Variants in LTBP1 observed in about 807,000 individuals in gnomAD.
LTBP1 encodes latent transforming growth factor beta binding protein 1.
LTBP1 carries 129 observed loss-of-function variants against 207.6 expected under a neutral mutation model. The ratio of observed to expected loss-of-function variants is 0.62; its 90% confidence interval spans 0.54 to 0.72. LTBP1 has a LOEUF of 0.72. Among genes scored for constraint, LTBP1 ranks in the 30% least tolerant of loss-of-function variants. The pLI is 0.00. For synonymous variants in LTBP1, 963 were observed against 833.7 expected (o/e 1.16, Z -2.67); for missense variants, 2,281 against 2,217.2 (o/e 1.03, Z -0.58).
intron 3 of LTBP1, among the ~76,000 whole-genome samples, chr2:33,050,878 C>T (rs962519768): frequency 5.3e-5 from 8 of 151,976 alleles, no homozygotes; most frequent in African/African-American, 1.2e-4. Context: ...GGATTACAGG[C>T]GGGCATCACC....
intron 3 of LTBP1, among the ~76,000 whole-genome samples, chr2:33,087,974 A>G (rs528598921): frequency 2.0e-5 from 3 of 152,332 alleles, no homozygotes; most frequent in South Asian, 2.1e-4. Context: ...TCTATTACGT[A>G]TAGTTAAAAT....
intron 5 of LTBP1, among the ~76,000 whole-genome samples, chr2:33,172,127 A>G (rs1197201085): frequency 6.6e-6 from 1 of 152,326 alleles, no homozygotes; most frequent in African/African-American, 2.4e-5. Context: ...AGCTAACATC[A>G]AAATGACAGG....
At chr2:33,187,852 C>T (rs2087372570) in intron 6 of LTBP1, among the ~76,000 whole-genome samples, 2 of 152,106 alleles carry the variant, frequency 1.3e-5, no homozygotes, top group Non-Finnish European at 2.9e-5. Flanking sequence ...TGGGTTTTCT[C>T]TTTTAATAGA....
chr2:33,309,892 A>C (rs928855849), intron 23 of LTBP1, among the ~76,000 whole-genome samples: 2 of 150,822 alleles, frequency 1.3e-5, no homozygotes, highest in Non-Finnish European at 2.9e-5. Flanking sequence ...ATTTTGTCTC[A>C]TAGGTGGTAT....
chr2:32,966,478 A>T lies in LTBP1; in HGVS notation c.565+17533A>T, dbSNP rs563101920. ...CCTTATTCATGATCTTAGCAGGAAA[A>T]CTAGTTGCTCACCATTAAGTATGGT... is the stretch of plus-strand genomic sequence containing the variant. On this transcript the variant is annotated intron_variant, in intron 2 of 33. Coordinates refer to ENST00000404816, the MANE Select transcript of LTBP1 (RefSeq NM_206943.4). Among the ~76,000 whole-genome samples the T allele has an allele frequency of 9.2e-5, 14 of 152,266 alleles. No homozygotes were observed. The East Asian group carries it at 2.7e-3, about 29-fold the overall frequency.
intron 26 of LTBP1, among the ~76,000 whole-genome samples, chr2:33,358,309 T>C (rs1056277260): frequency 2.0e-5 from 3 of 152,078 alleles, no homozygotes; most frequent in African/African-American, 7.2e-5. Context: ...AAGGCAAAGA[T>C]TGTTTTATTT....
chr2:33,232,800 T>C (rs2091861557), intron 9 of LTBP1, among the ~76,000 whole-genome samples: 1 of 152,158 alleles, frequency 6.6e-6, no homozygotes, highest in Non-Finnish European at 1.5e-5. Flanking sequence ...GTCACTAAAG[T>C]ATATACTTTA....
intron 2 of LTBP1, among the ~76,000 whole-genome samples, chr2:33,000,797 A>G (rs1685973127): frequency 7.4e-6 from 1 of 134,330 alleles, no homozygotes; most frequent in Non-Finnish European, 1.6e-5. Context: ...GGATTCCCCC[A>G]AAGTATATTG....
At position 33,371,351 on chromosome 2, in the gene LTBP1, C is replaced by G. The variant is rs993211026; in HGVS notation, c.4711+5848C>G. Reference sequence around the variant, plus strand: ...TTCCCCTTTCACAGTACCCGCTGATCCTGCCCACTCTTAAAATGATTTGGG... The same window carrying G: ...TTCCCCTTTCACAGTACCCGCTGATGCTGCCCACTCTTAAAATGATTTGGG... On this transcript the variant is annotated intron_variant, in intron 31 of 33. Coordinates refer to ENST00000404816, the MANE Select transcript of LTBP1 (RefSeq NM_206943.4). Among the ~76,000 whole-genome samples the G allele has an allele frequency of 5.4e-4, 82 of 152,192 alleles. 2 individuals are homozygous for G. The highest frequency in any genetic ancestry group is 5.2e-3 in the Admixed American group (80 of 15,282).
At chr2:33,203,724 A>G (rs894051340) in intron 7 of LTBP1, among the ~76,000 whole-genome samples, 1 of 152,168 alleles carries the variant, frequency 6.6e-6, no homozygotes, top group Admixed American at 6.5e-5. Flanking sequence ...AAAATAATAT[A>G]CCTATTAATA....
intron 7 of LTBP1, among the ~76,000 whole-genome samples, chr2:33,190,353 T>C (rs1051983440): frequency 8.5e-5 from 13 of 152,186 alleles, no homozygotes; most frequent in African/African-American, 3.1e-4. Flanking sequence ...TGTGTGTGTA[T>C]ATGCGCATGA....
intron 7 of LTBP1, among the ~76,000 whole-genome samples, chr2:33,202,331 G>T (rs2089400690): frequency 1.3e-5 from 2 of 152,158 alleles, no homozygotes; most frequent in Non-Finnish European, 2.9e-5. Flanking sequence ...CCACATGGGA[G>T]AAAAAGATGG....
chr2:33,079,137 A>G (rs2078257226), intron 3 of LTBP1, among the ~76,000 whole-genome samples: 1 of 152,046 alleles, frequency 6.6e-6, no homozygotes, highest in African/African-American at 2.4e-5. Flanking sequence ...TATTCCGACC[A>G]GTGTTGTAAT....
At chr2:33,247,163 A>T (rs908929347) in intron 10 of LTBP1, among the ~76,000 whole-genome samples, 2 of 152,216 alleles carry the variant, frequency 1.3e-5, no homozygotes, top group African/African-American at 2.4e-5. Flanking sequence ...ACTTGGAGCT[A>T]GTTGACAGAA....
intron 26 of LTBP1, among the ~76,000 whole-genome samples, chr2:33,360,291 C>G (rs971000398): frequency 1.3e-5 from 2 of 151,958 alleles, no homozygotes; most frequent in Non-Finnish European, 1.5e-5. Flanking sequence ...CTATGTTTGG[C>G]AAGAAAAGGA....
chr2:32,947,575 C>T lies in LTBP1; in HGVS notation c.251C>T (p.Thr84Ile), dbSNP rs976115555. The T allele has an allele frequency of 7.5e-6, 10 of 1,328,598 alleles. No individual in the cohort carries two copies. The highest frequency in any genetic ancestry group is 3.2e-5 in the East Asian group (1 of 31,282). The allele number at this position is 1,328,598 out of a possible 1,614,324, so 82.3% of individuals were successfully genotyped here. ...RASPGVPSER[T>I]RRTSKPGGAA... ...TCCCCCGGGGTCCCCTCGGAGAGGA[C>T]CCGGCGCACGAGCAAGCCGGGCGGC... Residue 84 changes from threonine to isoleucine, a missense_variant, in exon 1 of 34, where the codon ACC becomes ATC. Physicochemically the swap from Thr to Ile is moderately conservative, Grantham distance 89. This residue lies in a region of LTBP1 where 555 missense variants were observed against 491.0 expected (regional missense o/e 1.13). Transcript: ENST00000404816.
rs549693978 is a variant in LTBP1, at chr2:33,313,525, T to C, written c.3605-1619T>C. On this transcript the variant is annotated intron_variant, in intron 23 of 33. Coordinates refer to ENST00000404816, the MANE Select transcript of LTBP1 (RefSeq NM_206943.4). ...ATTCTGTACCTTTTCCCTGTCCTTA[T>C]TAAGCTTTGCAGTATTCATGTGGGT... Among the ~76,000 whole-genome samples the C allele has an allele frequency of 1.7e-4, 26 of 152,304 alleles. No individual in the cohort carries two copies. In the South Asian group the frequency reaches 5.2e-3, roughly 30 times the overall value.
chr2:32,995,608 C>T (rs572846606), intron 2 of LTBP1, among the ~76,000 whole-genome samples: 98 of 152,140 alleles, frequency 6.4e-4, no homozygotes, highest in Middle Eastern at 3.4e-3. Context: ...GGTGAAACCC[C>T]ATCTCTACTA....
chr2:33,149,450 A>G (rs2083341881), intron 5 of LTBP1, among the ~76,000 whole-genome samples: 2 of 152,112 alleles, frequency 1.3e-5, no homozygotes, highest in East Asian at 1.9e-4. Context: ...TGTTCTGTAG[A>G]TGAAATCTCT....
Sources: allele counts gnomAD v4.1 joint callset (sites outside exome capture counted in the v4.1 genomes callset), GRCh38; gene constraint gnomAD v4.1.1; regional missense constraint gnomAD v4.1.1; transcripts MANE v1.5; gene names NCBI Gene and HGNC (gene_info 2026-07-23, HGNC 2026-07-21).